Variants in EIF2D observed in about 807,000 individuals in gnomAD.
The protein encoded by EIF2D is eukaryotic translation initiation factor 2D, also known as hepatocellular carcinoma-associated antigen 56.
EIF2D carries 56 observed loss-of-function variants against 77.4 expected under a neutral mutation model. The observed-to-expected ratio is 0.72, with a 90% CI of 0.58 to 0.90. EIF2D has a LOEUF of 0.90. EIF2D is among the 40% of genes least tolerant of loss of function. The pLI, the probability that EIF2D is intolerant of heterozygous loss-of-function variation, is 0.00. For synonymous variants in EIF2D, 230 were observed against 271.0 expected (o/e 0.85, Z 1.49); for missense variants, 574 against 706.5 (o/e 0.81, Z 2.13).
intron 2 of EIF2D, among the ~76,000 whole-genome samples, chr1:206,609,765 A>G (rs559440233): frequency 1.1e-4 from 17 of 152,346 alleles, no homozygotes; most frequent in Admixed American, 2.0e-4. Context: ...AGAAGCAAGT[A>G]GCCTAAGAAC....
At chr1:206,608,365 T>G (rs368254530) in intron 3 of EIF2D, 39 bp from the exon 4 acceptor site, 8 of 1,545,656 alleles carry the variant, frequency 5.2e-6, no homozygotes, top group Non-Finnish European at 7.1e-6. Flanking sequence ...GCATTCAGCC[T>G]CCATCTCACT....
intron 2 of EIF2D, among the ~76,000 whole-genome samples, chr1:206,609,936 G>A (rs1275583888): frequency 6.6e-6 from 1 of 152,130 alleles, no homozygotes. Flanking sequence ...GTGGCCTAAG[G>A]ATATTGCATT....
chr1:206,598,852 C>T (rs1161708560), intron 11 of EIF2D, 151 bp downstream of exon 11: 2 of 699,032 alleles, frequency 2.9e-6, no homozygotes, highest in African/African-American at 1.8e-5. Context: ...ACTGAGTGTC[C>T]ACAGCCCATG....
chr1:206,611,384 G>A lies in EIF2D; in HGVS notation c.57-10C>T, dbSNP rs1215207852. On this transcript the variant is annotated splice_polypyrimidine_tract_variant and intron_variant, in intron 1 of 14. Transcript: ENST00000271764. ...AGCTCGAAGCTTTCTCCTGTGGAAA[G>A]CACACCAGCACTGTGAATGCTGCCT... The A allele has an allele frequency of 6.2e-7, 1 of 1,606,944 alleles. No individual in the cohort carries two copies. The highest frequency in any genetic ancestry group is 8.5e-7 in the Non-Finnish European group (1 of 1,174,974).
chr1:206,597,332 G>A, intron 11 of EIF2D, 137 bp from the exon 12 acceptor site: 1 of 620,930 alleles, frequency 1.6e-6, no homozygotes, highest in Non-Finnish European at 2.8e-6. Flanking sequence ...AGTCCAAAAG[G>A]CAATGTACCT....
chr1:206,595,660 A>G, intron 13 of EIF2D, 58 bp downstream of exon 13: 1 of 1,585,004 alleles, frequency 6.3e-7, no homozygotes, highest in Admixed American at 1.7e-5. Context: ...TAGGGAGACC[A>G]GAACTTGGCA....
At chr1:206,610,551 T>A (rs1670425351) in intron 2 of EIF2D, among the ~76,000 whole-genome samples, 1 of 151,754 alleles carries the variant, frequency 6.6e-6, no homozygotes, top group Non-Finnish European at 1.5e-5. Context: ...CCAGGCGCGG[T>A]GGCTCACGTC....
intron 2 of EIF2D, chr1:206,586,617 C>A: frequency 1.8e-6 from 1 of 548,364 alleles, no homozygotes; most frequent in Non-Finnish European, 3.3e-6. Context: ...AACTCTTGGT[C>A]ATGAGATGCC....
chr1:206,581,174 G>A (rs555653860), intron 2 of EIF2D: 1 of 152,352 alleles, frequency 6.6e-6, no homozygotes, highest in South Asian at 2.1e-4. Context: ...TGTGAAATAA[G>A]AATGACATAC....
chr1:206,587,014 T>G, downstream of EIF2D: 1 of 1,610,956 alleles, frequency 6.2e-7, no homozygotes, highest in South Asian at 1.1e-5. Flanking sequence ...TGCATTCAGA[T>G]TTATTTGTAT....
At chr1:206,605,584 CAT>C (rs538624614) in intron 4 of EIF2D, 77 bp from the exon 5 acceptor site, 5 of 1,272,870 alleles carry the variant, frequency 3.9e-6, no homozygotes, top group South Asian at 1.3e-5. Context: ...TCTTCTGACA[CAT>C]GTGGTAAAAA....
Position 206,603,079 on chromosome 1 carries a change from G to T in EIF2D, c.656C>A (p.Thr219Asn), listed in dbSNP as rs1553411744. 1 of 1,614,160 alleles carries T rather than the reference G, an allele frequency of 6.2e-7. No individual in the cohort carries two copies. The highest frequency in any genetic ancestry group is 8.5e-7 in the Non-Finnish European group (1 of 1,180,042). Reference sequence around the variant, plus strand: ...CCCATTCTCCTCTTCCCCCTCCAGGGTCATGTGCCTCATGTCTCCCTGCAG... The same window carrying T: ...CCCATTCTCCTCTTCCCCCTCCAGGTTCATGTGCCTCATGTCTCCCTGCAG... ...STLQGDMRHMTLEGEEENGEV... is the reference protein window; with the variant it reads ...STLQGDMRHMNLEGEEENGEV... Residue 219 changes from threonine (T) to asparagine (N), a missense_variant, in exon 6 of 15, where the codon ACC (threonine) becomes AAC (asparagine). By Grantham distance (65) the Thr-to-Asn change is moderately conservative. Transcript: ENST00000271764.
At chr1:206,588,976 C>T (rs1358406938), downstream of EIF2D, 1 of 152,652 alleles carries the variant, frequency 6.6e-6, no homozygotes, top group Admixed American at 6.5e-5. Context: ...TATATATACA[C>T]ATAAAGGCAT....
chr1:206,584,864 C>T lies in EIF2D; in HGVS notation c.139-3702G>A. 4.5e-6 allele frequency: 3 copies of T among 665,118 alleles called. No homozygotes were observed. 41.2% of individuals were successfully genotyped at this position (665,118 alleles called of 1,614,324 possible). A position where few individuals can be genotyped will look rare whatever the true frequency, so the allele number is the denominator to read the frequency against. ...GGGCAGGGAGGCAAGAGCAGAGTCCCTGACTCTGCATGTGACTTCAGGAAA... is the reference window on the plus strand; with the variant it reads ...GGGCAGGGAGGCAAGAGCAGAGTCCTTGACTCTGCATGTGACTTCAGGAAA... On this transcript the variant is annotated intron_variant and NMD_transcript_variant, in intron 2 of 5. Coordinates refer to the EIF2D transcript ENST00000472709. This position sits in a 1 kb window ranked among gnomAD's most constrained non-coding sequence, Gnocchi z 4.9.
chr1:206,584,959 CAGG>C lies in EIF2D; in HGVS notation c.139-3800_139-3798del, dbSNP rs1558524941. The C allele has an allele frequency of 1.8e-5, 11 of 606,316 alleles. 1 individual carries two copies. The highest frequency in any genetic ancestry group is 1.6e-4 in the South Asian group (8 of 49,930). 37.6% of individuals were successfully genotyped at this position (606,316 alleles called of 1,614,324 possible). A position where few individuals can be genotyped will look rare whatever the true frequency, so the allele number is the denominator to read the frequency against. On this transcript the variant is annotated intron_variant and NMD_transcript_variant, in intron 2 of 5. Transcript: ENST00000472709. The surrounding 1 kb of genome is among the most constrained non-coding windows in gnomAD (Gnocchi z 4.9). ...ATCTGCCCCACCATTCCTAATCTTT[CAGG>C]AGATGATGTGAATGGAATCATGCTT...
intron 4 of EIF2D, among the ~76,000 whole-genome samples, chr1:206,607,237 A>C (rs1553412891): frequency 6.6e-6 from 1 of 152,216 alleles, no homozygotes; most frequent in East Asian, 1.9e-4. Flanking sequence ...CGTCCACACT[A>C]TATTAAGTGA....
At chr1:206,601,248 TA>T (rs1669905455) in intron 7 of EIF2D, 2 of 152,194 alleles carry the variant, frequency 1.3e-5, no homozygotes, top group Non-Finnish European at 2.9e-5. Flanking sequence ...ATCACTTTTT[TA>T]AAAAACCACA....
chr1:206,593,609 G>C lies in EIF2D; in HGVS notation c.1684+10C>G. 1 of 1,598,738 alleles carries C rather than the reference G, an allele frequency of 6.3e-7. No individual in the cohort carries two copies. Among genetic ancestry groups the C allele is most frequent in the Non-Finnish European group, 8.6e-7 (1 of 1,169,286 alleles). On this transcript the variant is annotated intron_variant, in intron 14 of 14. Transcript: ENST00000271764. ...GACCAATGCCTCCACTCTTCAGAGG[G>C]GATGCTCACCAAGCAATAGCCAGCC...
chr1:206,584,021 C>T lies in EIF2D; in HGVS notation c.139-2859G>A, dbSNP rs1669002781. Among the ~76,000 whole-genome samples the T allele has an allele frequency of 6.6e-6, 1 of 152,152 alleles. No individual in the cohort carries two copies. The highest frequency in any genetic ancestry group is 1.5e-5 in the Non-Finnish European group (1 of 68,034). ...GTTCTCCAAGGCCCTCATTATAGAG[C>T]CTTCCTGCTTCCTGCCTGGTTCAGA... On this transcript the variant is annotated intron_variant and NMD_transcript_variant, in intron 2 of 5. Transcript: ENST00000472709. This position sits in a 1 kb window ranked among gnomAD's most constrained non-coding sequence, Gnocchi z 4.9.
Sources: gnomAD v4.1 joint callset for allele counts (sites outside exome capture counted in the v4.1 genomes callset) on GRCh38, gnomAD v4.1.1 for gene constraint, Gnocchi (gnomAD v3.1) non-coding constraint, MANE v1.5 for transcripts, NCBI Gene and HGNC (gene_info 2026-07-23, HGNC 2026-07-21) for gene names.